KAZN: variants seen among roughly 807,000 people sequenced by gnomAD.
KAZN encodes kazrin, periplakin interacting protein.
Under a neutral mutation model 87.4 loss-of-function variants are expected in KAZN, and 40 were observed. The observed-to-expected ratio is 0.46, with a 90% CI of 0.36 to 0.60. The LOEUF (loss-of-function observed/expected upper bound fraction) is 0.60. KAZN is among the 20% of genes least tolerant of loss of function. The probability of loss-of-function intolerance (pLI) is 0.00; values close to 1 mark genes in which losing one functional copy is unlikely to be tolerated. For synonymous variants in KAZN, 466 were observed against 458.3 expected, an observed-to-expected ratio of 1.02 and a Z score of -0.22; for missense variants, 898 against 1,073.9, an observed-to-expected ratio of 0.84 and a Z score of 2.29.
chr1:15,109,961 ATG>A (rs148084709), intron 13 of KAZN, among the ~76,000 whole-genome samples: 7,774 of 137,116 alleles, frequency 0.057, 226 homozygotes, highest in Middle Eastern at 0.079. Flanking sequence ...GTGTTTGTAT[ATG>A]TGTGTTTGTA....
intron 1 of KAZN, among the ~76,000 whole-genome samples, chr1:14,087,112 T>G (rs564815772): frequency 6.6e-6 from 1 of 152,282 alleles, no homozygotes; most frequent in Non-Finnish European, 1.5e-5. Flanking sequence ...TAGTGAATCT[T>G]CTAGTCAATG....
chr1:15,100,309 A>G (rs1342758892), intron 10 of KAZN, among the ~76,000 whole-genome samples: 5 of 152,136 alleles, frequency 3.3e-5, no homozygotes, highest in African/African-American at 4.8e-5. Context: ...AAGGACAGGG[A>G]GGACCCACCC....
chr1:15,069,457 T>C (rs1639410446), intron 8 of KAZN, among the ~76,000 whole-genome samples: 1 of 152,176 alleles, frequency 6.6e-6, no homozygotes, highest in Non-Finnish European at 1.5e-5. Flanking sequence ...CCATACCTTA[T>C]TTGGGTCTTT....
intron 2 of KAZN, among the ~76,000 whole-genome samples, chr1:14,253,458 C>A (rs1295798122): frequency 6.6e-6 from 1 of 152,132 alleles, no homozygotes; most frequent in East Asian, 1.9e-4. Flanking sequence ...TTAATGGCTA[C>A]TAATGGGTTA....
intron 1 of KAZN, among the ~76,000 whole-genome samples, chr1:14,149,572 G>C (rs760437664): frequency 1.3e-5 from 2 of 152,052 alleles, no homozygotes; most frequent in Non-Finnish European, 2.9e-5. Flanking sequence ...CCTCTTCCCT[G>C]CCACACTTCC....
intron 2 of KAZN, among the ~76,000 whole-genome samples, chr1:14,347,975 T>TC (rs1020692324): frequency 3.3e-5 from 5 of 151,562 alleles, no homozygotes; most frequent in Non-Finnish European, 7.4e-5. Flanking sequence ...AACCTCTGCC[T>TC]CCCAGGCTCG....
chr1:14,790,788 G>C (rs1224310461), intron 1 of KAZN, among the ~76,000 whole-genome samples: 1 of 152,050 alleles, frequency 6.6e-6, no homozygotes. Context: ...TTCCTCCCAG[G>C]CTCAAGCGAT....
At chr1:14,019,425 G>C (rs7551028) in intron 1 of KAZN, among the ~76,000 whole-genome samples, 1 of 152,118 alleles carries the variant, frequency 6.6e-6, no homozygotes, top group South Asian at 2.1e-4. Flanking sequence ...GGCATGGGCT[G>C]GGGTATTTAT....
At chr1:14,299,627 C>T (rs764348025) in intron 2 of KAZN, among the ~76,000 whole-genome samples, 19 of 152,298 alleles carry the variant, frequency 1.2e-4, no homozygotes, top group South Asian at 6.2e-4. Context: ...CAGCAGATGT[C>T]GCACCCATAG....
At chr1:14,098,741 C>T (rs1316157166) in intron 1 of KAZN, among the ~76,000 whole-genome samples, 1 of 152,202 alleles carries the variant, frequency 6.6e-6, no homozygotes, top group Non-Finnish European at 1.5e-5. Flanking sequence ...TTATTACAAA[C>T]ATCTCATGCA....
chr1:15,008,855 G>A (rs1669298230), intron 2 of KAZN, among the ~76,000 whole-genome samples: 1 of 152,222 alleles, frequency 6.6e-6, no homozygotes, highest in African/African-American at 2.4e-5. Flanking sequence ...GCCAGCCACA[G>A]TCCTCAAGGC....
At chr1:14,933,239 G>A (rs1485952997) in intron 1 of KAZN, among the ~76,000 whole-genome samples, 1 of 152,084 alleles carries the variant, frequency 6.6e-6, no homozygotes, top group Non-Finnish European at 1.5e-5. Flanking sequence ...TTACACACAT[G>A]TGCCACCACA....
chr1:14,302,367 A>G (rs1281822885), intron 2 of KAZN, among the ~76,000 whole-genome samples: 1 of 152,214 alleles, frequency 6.6e-6, no homozygotes, highest in East Asian at 1.9e-4. Flanking sequence ...GACGTGAAGA[A>G]GTGAGCCCAA....
Position 14,944,408 on chromosome 1 carries a change from G to A in KAZN, c.227-16276G>A, listed in dbSNP as rs1315935992. On this transcript the variant is annotated intron_variant, in intron 1 of 14. Coordinates refer to ENST00000376030, the MANE Select transcript of KAZN (RefSeq NM_201628.3). The stretch of plus-strand genomic sequence containing the variant: ...GGGAGACACAGCTGTGGGGGCCCCC[G>A]TTGGTGTCCTACTTGGTTTCAGAAG... Among the ~76,000 whole-genome samples the A allele has an allele frequency of 2.0e-5, 3 of 151,940 alleles. No homozygotes were observed. The East Asian group carries it at 5.8e-4, about 29-fold the overall frequency.
chr1:14,794,972 C>T, intron 1 of KAZN, among the ~76,000 whole-genome samples: 1 of 152,164 alleles, frequency 6.6e-6, no homozygotes, highest in East Asian at 1.9e-4. Flanking sequence ...GCTTCCTGTC[C>T]TCAAACATCA....
intron 1 of KAZN, among the ~76,000 whole-genome samples, chr1:14,651,093 C>T (rs1168507926): frequency 6.6e-6 from 1 of 152,202 alleles, no homozygotes; most frequent in Admixed American, 6.5e-5. Context: ...AAGATAAAAT[C>T]GTTTGCTCTC....
intron 2 of KAZN, among the ~76,000 whole-genome samples, chr1:14,585,179 G>C (rs1327143712): frequency 6.6e-6 from 1 of 152,192 alleles, no homozygotes; most frequent in Admixed American, 6.5e-5. Context: ...CTAGAACTCT[G>C]AGGAAATACA....
chr1:14,682,781 T>G (rs543208352), intron 1 of KAZN, among the ~76,000 whole-genome samples: 48 of 152,330 alleles, frequency 3.2e-4, no homozygotes, highest in African/African-American at 1.1e-3. Context: ...CTCATGACAC[T>G]CTAGACCCAG....
intron 1 of KAZN, among the ~76,000 whole-genome samples, chr1:14,086,348 C>A (rs1276663037): frequency 6.6e-6 from 1 of 152,128 alleles, no homozygotes; most frequent in Non-Finnish European, 1.5e-5. Flanking sequence ...TGCTCCTCCC[C>A]TCCCCCAGGT....
Sources: allele counts gnomAD v4.1 joint callset (sites outside exome capture counted in the v4.1 genomes callset), GRCh38; gene constraint gnomAD v4.1.1; transcripts MANE v1.5; gene names NCBI Gene and HGNC (gene_info 2026-07-23, HGNC 2026-07-21).